The following TENM2 variants were observed in gnomAD, a reference collection of about 807,000 sequenced individuals.
TENM2 encodes teneurin transmembrane protein 2.
TENM2 carries 52 observed loss-of-function variants against 245.2 expected under a neutral mutation model. That is an observed-to-expected ratio of 0.21 (90% confidence interval 0.17 to 0.27). The LOEUF (loss-of-function observed/expected upper bound fraction) is 0.27, where lower values mean the gene tolerates loss of function less well. Among genes scored for constraint, TENM2 ranks in the 10% least tolerant of loss-of-function variants. The pLI, the probability that TENM2 is intolerant of heterozygous loss-of-function variation, is 1.00. For missense variants in TENM2, 3,046 were observed against 3,666.8 expected, an observed-to-expected ratio of 0.83 and a Z score of 4.37; for synonymous variants, 1,363 against 1,438.9, an observed-to-expected ratio of 0.95 and a Z score of 1.19.
intron 2 of TENM2, among the ~76,000 whole-genome samples, chr5:167,820,415 T>G (rs558284774): frequency 6.6e-6 from 1 of 152,310 alleles, no homozygotes; most frequent in East Asian, 1.9e-4. Context: ...AACTGGGATC[T>G]GAAGCTCCCG....
Position 168,253,284 on chromosome 5 carries a change from T to C in TENM2, c.7432+4913T>C, listed in dbSNP as rs550005363. Reference sequence around the variant, plus strand: ...GCCTGGCAGAGCCACAATTTCTTCATCAGCAAAATAGTAATGATAATAATA... The same window carrying C: ...GCCTGGCAGAGCCACAATTTCTTCACCAGCAAAATAGTAATGATAATAATA... On this transcript the variant is annotated intron_variant, in intron 27 of 28. Coordinates refer to ENST00000518659, the Ensembl canonical transcript of TENM2. Among the ~76,000 whole-genome samples the C allele has an allele frequency of 2.9e-4, 44 of 150,686 alleles. 1 individual carries two copies. The highest frequency in any genetic ancestry group is 7.3e-4 in the Admixed American group (11 of 15,122).
the TENM2 span, among the ~76,000 whole-genome samples, chr5:166,994,472 T>C: frequency 6.6e-6 from 1 of 152,222 alleles, no homozygotes; most frequent in Non-Finnish European, 1.5e-5. Flanking sequence ...ATCTACTCTG[T>C]AGGTCTCCAA....
intron 9 of TENM2, among the ~76,000 whole-genome samples, chr5:168,113,918 A>T (rs951557510): frequency 6.6e-6 from 1 of 152,250 alleles, no homozygotes; most frequent in African/African-American, 2.4e-5. Flanking sequence ...AAAACGCTCC[A>T]CTTTCATACC....
intron 1 of TENM2, among the ~76,000 whole-genome samples, chr5:167,292,997 G>A (rs1204038472): frequency 2.6e-5 from 4 of 152,206 alleles, no homozygotes; most frequent in Admixed American, 2.0e-4. Context: ...TCAAAGAAGT[G>A]TAGGTTGGAT....
At chr5:168,006,378 A>C (rs566567262) in intron 5 of TENM2, among the ~76,000 whole-genome samples, 3 of 152,198 alleles carry the variant, frequency 2.0e-5, no homozygotes, top group Non-Finnish European at 4.4e-5. Context: ...TCTTGACTGA[A>C]GGTTTTCCAC....
At chr5:167,201,904 G>T in the TENM2 span, among the ~76,000 whole-genome samples, 1 of 152,120 alleles carries the variant, frequency 6.6e-6, no homozygotes, top group African/African-American at 2.4e-5. Flanking sequence ...GTTTGTGACT[G>T]CCTGGAGACC....
At chr5:167,604,973 T>C (rs1370978767) in intron 2 of TENM2, among the ~76,000 whole-genome samples, 2 of 152,202 alleles carry the variant, frequency 1.3e-5, no homozygotes, top group African/African-American at 2.4e-5. Context: ...GAAGATGATA[T>C]GCTAGGCAAA....
chr5:168,241,849 G>A (rs905458360), intron 25 of TENM2, among the ~76,000 whole-genome samples: 8 of 152,226 alleles, frequency 5.3e-5, no homozygotes, highest in South Asian at 2.1e-4. Flanking sequence ...GCTAGTAACA[G>A]AGATTAGCAA....
chr5:167,520,000 A>T (rs148223800), intron 2 of TENM2, among the ~76,000 whole-genome samples: 1 of 152,208 alleles, frequency 6.6e-6, no homozygotes, highest in African/African-American at 2.4e-5. Flanking sequence ...CTGAAGAATC[A>T]TGTCACAAAA....
chr5:167,374,406 A>T (rs1300589790), intron 1 of TENM2, among the ~76,000 whole-genome samples: 2 of 152,016 alleles, frequency 1.3e-5, no homozygotes, highest in Non-Finnish European at 2.9e-5. Flanking sequence ...CTAAGGATGC[A>T]TTGCTCAGAA....
the TENM2 span, among the ~76,000 whole-genome samples, chr5:167,051,951 A>G: frequency 1.3e-5 from 2 of 152,228 alleles, no homozygotes; most frequent in East Asian, 1.9e-4. Context: ...AGATAAATCT[A>G]TATTCTCTTT....
chr5:167,634,915 A>G (rs1779099168), intron 2 of TENM2, among the ~76,000 whole-genome samples: 2 of 152,210 alleles, frequency 1.3e-5, no homozygotes, highest in Admixed American at 1.3e-4. Context: ...GAACATAACT[A>G]AAAATTTAAG....
At chr5:167,319,984 G>C (rs186485686) in intron 1 of TENM2, among the ~76,000 whole-genome samples, 76 of 152,262 alleles carry the variant, frequency 5.0e-4, no homozygotes, top group African/African-American at 1.7e-3. Flanking sequence ...TAGCAGTAAT[G>C]ATAGTTAATA....
At chr5:167,585,299 A>C (rs1274083423) in intron 2 of TENM2, among the ~76,000 whole-genome samples, 1 of 152,168 alleles carries the variant, frequency 6.6e-6, no homozygotes, top group African/African-American at 2.4e-5. Context: ...TGAAAAGTAC[A>C]CTTGTTTGGA....
At chr5:167,219,897 A>G in the TENM2 span, among the ~76,000 whole-genome samples, 1 of 152,226 alleles carries the variant, frequency 6.6e-6, no homozygotes, top group Non-Finnish European at 1.5e-5. Flanking sequence ...CTGTAGTTCT[A>G]CAAGACTTTC....
At chr5:167,377,378 CT>C in intron 2 of TENM2, among the ~76,000 whole-genome samples, 1 of 152,082 alleles carries the variant, frequency 6.6e-6, no homozygotes, top group Admixed American at 6.6e-5. Flanking sequence ...GAGAAATGTA[CT>C]TAGAAGCACT....
At chr5:167,179,812 C>T in the TENM2 span, among the ~76,000 whole-genome samples, 1 of 152,148 alleles carries the variant, frequency 6.6e-6, no homozygotes, top group African/African-American at 2.4e-5. Context: ...GACCGTTGGT[C>T]ACCCTGTGGT....
intron 13 of TENM2, among the ~76,000 whole-genome samples, chr5:168,169,246 G>A (rs370597819): frequency 7.2e-5 from 11 of 152,286 alleles, no homozygotes; most frequent in South Asian, 6.2e-4. Flanking sequence ...TCAGTAACCC[G>A]TGGTAGAGGC....
rs142976544 is a variant in TENM2 at position 167,701,864 on chromosome 5, A to C, written c.503-174122A>C. On this transcript the variant is annotated intron_variant, in intron 2 of 28. Transcript: ENST00000518659. ...TTTCAGGTGACCTTTCCTTATTGATATTTATGTTCATGTTGTGATAAACTG... is the reference window on the plus strand; with the variant it reads ...TTTCAGGTGACCTTTCCTTATTGATCTTTATGTTCATGTTGTGATAAACTG... Among the ~76,000 whole-genome samples, 539 of 152,290 alleles carry C rather than the reference A, an allele frequency of 3.5e-3. 2 individuals carry two copies. Among genetic ancestry groups the C allele is most frequent in the Non-Finnish European group, 5.6e-3 (382 of 68,002 alleles).
Sources: allele counts gnomAD v4.1 joint callset (sites outside exome capture counted in the v4.1 genomes callset), GRCh38; gene constraint gnomAD v4.1.1; transcripts MANE v1.5; gene names NCBI Gene and HGNC (gene_info 2026-07-23, HGNC 2026-07-21).